Variants in ABLIM1 observed in about 807,000 individuals in gnomAD.
ABLIM1 encodes the protein actin binding LIM protein 1.
A neutral mutation model predicts 107.0 loss-of-function variants in ABLIM1; 40 were observed. The ratio of observed to expected loss-of-function variants is 0.37; its 90% CI spans 0.29 to 0.49. The LOEUF (loss-of-function observed/expected upper bound fraction) is 0.49, where lower values mean the gene tolerates loss of function less well. Ranked by LOEUF, ABLIM1 falls within the 20% of genes least tolerant of loss-of-function variation. ABLIM1 has a pLI of 0.97. For synonymous variants in ABLIM1, 357 were observed against 357.3 expected (o/e 1.00, Z 0.01); for missense variants, 857 against 1,008.5 (o/e 0.85, Z 2.04).
intron 4 of ABLIM1, among the ~76,000 whole-genome samples, chr10:114,566,088 C>T (rs915743450): frequency 6.6e-6 from 1 of 152,124 alleles, no homozygotes; most frequent in Admixed American, 6.6e-5. Flanking sequence ...AGCCACCGCG[C>T]CCGGTCGAAA....
intron 1 of ABLIM1, among the ~76,000 whole-genome samples, chr10:114,730,535 C>CA (rs1377937471): frequency 5.3e-5 from 8 of 151,826 alleles, no homozygotes; most frequent in Admixed American, 4.6e-4. Flanking sequence ...CTAAATTACA[C>CA]AAATTAGAGC....
At chr10:114,667,769 G>A (rs2080087248) in intron 1 of ABLIM1, among the ~76,000 whole-genome samples, 2 of 152,202 alleles carry the variant, frequency 1.3e-5, no homozygotes, top group South Asian at 2.1e-4. Flanking sequence ...CATCCAGTAT[G>A]TGCCCTTTCA....
intron 1 of ABLIM1, among the ~76,000 whole-genome samples, chr10:114,673,696 A>G (rs2080356672): frequency 6.6e-6 from 1 of 152,240 alleles, no homozygotes; most frequent in African/African-American, 2.4e-5. Flanking sequence ...TTCTCATGGT[A>G]CCACAATTTA....
intron 1 of ABLIM1, among the ~76,000 whole-genome samples, chr10:114,764,413 C>A (rs1197074331): frequency 2.6e-5 from 4 of 152,188 alleles, no homozygotes; most frequent in Non-Finnish European, 5.9e-5. Flanking sequence ...CAGTCTGTCA[C>A]CCAAGCTGGA....
At chr10:114,601,455 G>A (rs555486181) in intron 2 of ABLIM1, among the ~76,000 whole-genome samples, 3 of 151,976 alleles carry the variant, frequency 2.0e-5, no homozygotes, top group South Asian at 2.1e-4. Flanking sequence ...TAGTAGAGAC[G>A]GGGTTTCACT....
intron 3 of ABLIM1, among the ~76,000 whole-genome samples, chr10:114,573,678 CA>C (rs1314117391): frequency 1.3e-5 from 2 of 152,200 alleles, no homozygotes; most frequent in Non-Finnish European, 2.9e-5. Flanking sequence ...GAGAGACTCC[CA>C]TCTCTAGTCC....
At chr10:114,523,065 C>T (rs1350744776) in intron 6 of ABLIM1, among the ~76,000 whole-genome samples, 4 of 152,238 alleles carry the variant, frequency 2.6e-5, no homozygotes, top group South Asian at 4.1e-4. Context: ...GCAGGAGAAT[C>T]GCTTGAACCC....
intron 1 of ABLIM1, among the ~76,000 whole-genome samples, chr10:114,742,675 T>C (rs559298564): frequency 3.5e-4 from 54 of 152,322 alleles, no homozygotes; most frequent in Admixed American, 1.5e-3. Context: ...ATGCTTGTAA[T>C]CCCAGCACTT....
At chr10:114,659,514 A>G (rs372905219), upstream of ABLIM1, among the ~76,000 whole-genome samples, 1 of 152,148 alleles carries the variant, frequency 6.6e-6, no homozygotes. Context: ...CTCTGTCTCA[A>G]AACAAAAAAT....
chr10:114,767,866 C>A (rs115227446), intron 1 of ABLIM1, among the ~76,000 whole-genome samples: 3,210 of 152,168 alleles, frequency 0.021, 72 homozygotes, highest in African/African-American at 0.064. Flanking sequence ...TAGGCTCGCC[C>A]ACATCCGGGG....
intron 1 of ABLIM1, among the ~76,000 whole-genome samples, chr10:114,603,953 C>CAAAAA (rs56037072): frequency 1.5e-5 from 2 of 131,372 alleles, no homozygotes; most frequent in African/African-American, 6.1e-5. Context: ...GACTTTGTCT[C>CAAAAA]AAAAAAAAAA....
At chr10:114,555,865 A>G (rs2068663209) in intron 4 of ABLIM1, among the ~76,000 whole-genome samples, 1 of 152,154 alleles carries the variant, frequency 6.6e-6, no homozygotes, top group African/African-American at 2.4e-5. Flanking sequence ...AAAAAAAAAC[A>G]AAAAACCATA....
chr10:114,718,043 G>GAAAGAA (rs769566850), intron 1 of ABLIM1, among the ~76,000 whole-genome samples: 1 of 77,178 alleles, frequency 1.3e-5, no homozygotes, highest in African/African-American at 5.8e-5. Context: ...GAAAGAGAAA[G>GAAAGAA]AGAAAGAAAG....
At chr10:114,439,976 C>G in intron 20 of ABLIM1, 106 bp downstream of exon 20, 1 of 1,573,756 alleles carries the variant, frequency 6.4e-7, no homozygotes, top group East Asian at 2.3e-5. Flanking sequence ...TCAACCACAA[C>G]AAGCATCTTC....
intron 1 of ABLIM1, among the ~76,000 whole-genome samples, chr10:114,614,454 T>G (rs1327777181): frequency 2.0e-5 from 3 of 152,044 alleles, no homozygotes; most frequent in Admixed American, 2.0e-4. Flanking sequence ...CACTAAAGTA[T>G]TAGACATGTT....
intron 2 of ABLIM1, among the ~76,000 whole-genome samples, chr10:114,588,937 A>C (rs1344994949): frequency 1.3e-5 from 2 of 152,104 alleles, no homozygotes; most frequent in African/African-American, 4.8e-5. Context: ...TGGAATATTT[A>C]ATTTATGTAC....
chr10:114,631,741 A>G (rs1196685739), intron 1 of ABLIM1, among the ~76,000 whole-genome samples: 1 of 151,936 alleles, frequency 6.6e-6, no homozygotes, highest in Non-Finnish European at 1.5e-5. Context: ...TTCTGAACGA[A>G]GTCTGGGTTC....
At chr10:114,764,465 C>T (rs1017094135) in intron 1 of ABLIM1, among the ~76,000 whole-genome samples, 2 of 152,090 alleles carry the variant, frequency 1.3e-5, no homozygotes, top group African/African-American at 4.8e-5. Context: ...CCTCAGCCTC[C>T]CGAGTAGCTG....
intron 1 of ABLIM1, among the ~76,000 whole-genome samples, chr10:114,709,142 T>C (rs748864289): frequency 6.6e-6 from 1 of 152,220 alleles, no homozygotes; most frequent in Non-Finnish European, 1.5e-5. Flanking sequence ...CTAGAAACTT[T>C]TACTGTTTAC....
Sources: gnomAD v4.1 joint callset for allele counts (sites outside exome capture counted in the v4.1 genomes callset) on GRCh38, gnomAD v4.1.1 for gene constraint, MANE v1.5 for transcripts, NCBI Gene and HGNC (gene_info 2026-07-23, HGNC 2026-07-21) for gene names.